The following NEGR1 variants were observed in gnomAD, a reference collection of about 807,000 sequenced individuals.
NEGR1 encodes neuronal growth regulator 1.
NEGR1 carries 10 observed loss-of-function variants against 40.9 expected under a neutral mutation model. That is an observed-to-expected ratio of 0.24 (90% confidence interval 0.15 to 0.42). The LOEUF is 0.42. Ranked by LOEUF, NEGR1 falls within the 10% of genes least tolerant of loss-of-function variation. The probability of loss-of-function intolerance (pLI) is 1.00; values close to 1 mark genes in which losing one functional copy is unlikely to be tolerated. For missense variants in NEGR1, 352 were observed against 438.9 expected (o/e 0.80, Z 1.77); for synonymous variants, 185 against 166.8 (o/e 1.11, Z -0.84).
chr1:72,225,732 A>T lies in NEGR1; in HGVS notation c.176+56587T>A, dbSNP rs190929864. 8.5e-3 allele frequency among the ~76,000 whole-genome samples: 1,284 copies of T among 151,694 alleles called. 19 individuals carry two copies. The highest frequency in any genetic ancestry group is 0.029 in the African/African-American group (1,223 of 41,520). ...AATAGATAATCTATCCTGATAAATA[A>T]TTTTTATTTATTTTTGGAAGTGATC... On this transcript the variant is annotated intron_variant, in intron 1 of 6. Transcript: ENST00000357731.
intron 6 of NEGR1, among the ~76,000 whole-genome samples, chr1:71,569,199 A>G (rs1208113731): frequency 6.6e-6 from 1 of 152,164 alleles, no homozygotes; most frequent in African/African-American, 2.4e-5. Context: ...TACAGGTGTG[A>G]GCCACTGTAC....
intron 2 of NEGR1, among the ~76,000 whole-genome samples, chr1:71,846,763 G>A (rs150155513): frequency 2.2e-3 from 334 of 152,254 alleles, no homozygotes; most frequent in African/African-American, 7.6e-3. Flanking sequence ...CTTATAGGCA[G>A]TGCCTTCTTG....
chr1:71,601,740 G>T (rs1279116379), intron 5 of NEGR1, among the ~76,000 whole-genome samples: 6 of 152,120 alleles, frequency 3.9e-5, no homozygotes, highest in Non-Finnish European at 2.9e-5. Context: ...TCACTTATAA[G>T]TGGGAGTTAA....
intron 2 of NEGR1, among the ~76,000 whole-genome samples, chr1:71,933,794 A>T (rs1458307275): frequency 9.2e-5 from 14 of 152,042 alleles, no homozygotes; most frequent in Admixed American, 8.5e-4. Context: ...TCATTGACTT[A>T]TTTTTCAATT....
intron 3 of NEGR1, among the ~76,000 whole-genome samples, chr1:71,707,569 G>A (rs766776712): frequency 1.6e-4 from 24 of 152,104 alleles, no homozygotes; most frequent in Non-Finnish European, 3.1e-4. Flanking sequence ...AGGGCCTGGG[G>A]GACTTCACCA....
chr1:71,901,003 AAT>A (rs1045721473), intron 2 of NEGR1, among the ~76,000 whole-genome samples: 1 of 152,196 alleles, frequency 6.6e-6, no homozygotes, highest in Non-Finnish European at 1.5e-5. Flanking sequence ...ATCTTCATGC[AAT>A]ATATAAGTAA....
chr1:71,691,394 T>G (rs918022587), intron 4 of NEGR1, among the ~76,000 whole-genome samples: 1 of 151,914 alleles, frequency 6.6e-6, no homozygotes, highest in Non-Finnish European at 1.5e-5. Flanking sequence ...ACTTATTTTT[T>G]GGGTGATTAT....
At chr1:71,871,957 AT>A (rs1660291212) in intron 2 of NEGR1, among the ~76,000 whole-genome samples, 1 of 152,180 alleles carries the variant, frequency 6.6e-6, no homozygotes, top group African/African-American at 2.4e-5. Context: ...TCCTCTTAAT[AT>A]TGTTTGCATA....
chr1:71,435,873 C>T (rs1416057317), intron 6 of NEGR1, among the ~76,000 whole-genome samples: 1 of 152,176 alleles, frequency 6.6e-6, no homozygotes, highest in African/African-American at 2.4e-5. Flanking sequence ...ACCCAGAACT[C>T]CATGAGTTCA....
chr1:71,558,745 C>G (rs1648338316), intron 6 of NEGR1, among the ~76,000 whole-genome samples: 1 of 131,060 alleles, frequency 7.6e-6, no homozygotes, highest in South Asian at 2.4e-4. Context: ...TTTTTTAGCA[C>G]TTCTTTACAT....
At chr1:71,408,556 T>G (rs1404080428) in intron 6 of NEGR1, 1 of 152,042 alleles carries the variant, frequency 6.6e-6, no homozygotes, top group Non-Finnish European at 1.5e-5. Flanking sequence ...GGTTTCACTT[T>G]GTTTATGAAC....
At chr1:72,259,748 T>C (rs1655394743) in intron 1 of NEGR1, among the ~76,000 whole-genome samples, 1 of 151,982 alleles carries the variant, frequency 6.6e-6, no homozygotes, top group Non-Finnish European at 1.5e-5. Context: ...CTTACAAGAG[T>C]ATGAACATGG....
chr1:72,176,967 G>A (rs2821293), intron 1 of NEGR1, among the ~76,000 whole-genome samples: 78,861 of 151,772 alleles, frequency 0.52, 21,218 homozygotes, highest in East Asian at 0.84. Context: ...GAGATCGAGC[G>A]CGTTCAGGGT....
intron 1 of NEGR1, among the ~76,000 whole-genome samples, chr1:72,121,680 C>T (rs1344137716): frequency 1.3e-5 from 2 of 151,812 alleles, no homozygotes; most frequent in Non-Finnish European, 2.9e-5. Flanking sequence ...TATGATGAGT[C>T]TATCAATTGA....
In NEGR1 at chr1:71,701,268, T is replaced by C. The variant is rs563941861; in HGVS notation, c.536-3129A>G. Among the ~76,000 whole-genome samples the C allele has an allele frequency of 1.8e-4, 28 of 152,136 alleles. No homozygotes were observed. In the East Asian group the frequency reaches 4.8e-3, roughly 26 times the overall value. ...GATTCTTTTCTGGAGATCTGTTTCT[T>C]TGTTTTTCAGGTTGTAGGGAGAATT... is the stretch of plus-strand genomic sequence containing the variant. On this transcript the variant is annotated intron_variant, in intron 3 of 6. Transcript: ENST00000357731.
chr1:72,117,959 AG>A (rs1649644774), intron 1 of NEGR1, among the ~76,000 whole-genome samples: 1 of 151,780 alleles, frequency 6.6e-6, no homozygotes, highest in African/African-American at 2.4e-5. Context: ...CACTCTAGAA[AG>A]TCATCTGCAT....
intron 2 of NEGR1, among the ~76,000 whole-genome samples, chr1:71,813,099 A>C (rs1164777791): frequency 6.6e-6 from 1 of 152,034 alleles, no homozygotes; most frequent in Non-Finnish European, 1.5e-5. Flanking sequence ...ATCTTGAGTC[A>C]ATTTTTTTAT....
chr1:71,772,017 T>A (rs1368506888), intron 3 of NEGR1, among the ~76,000 whole-genome samples: 2 of 152,106 alleles, frequency 1.3e-5, no homozygotes, highest in African/African-American at 4.8e-5. Flanking sequence ...GAATAAACTA[T>A]ATGATGTGGA....
intron 6 of NEGR1, among the ~76,000 whole-genome samples, chr1:71,452,936 T>G (rs530957907): frequency 6.6e-6 from 1 of 152,298 alleles, no homozygotes; most frequent in East Asian, 1.9e-4. Flanking sequence ...GAAATAGTCC[T>G]TTGACTTCCA....
Sources: allele counts gnomAD v4.1 joint callset (sites outside exome capture counted in the v4.1 genomes callset), GRCh38; gene constraint gnomAD v4.1.1; transcripts MANE v1.5; gene names NCBI Gene and HGNC (gene_info 2026-07-23, HGNC 2026-07-21).